MALRD1: variants seen among roughly 807,000 people sequenced by gnomAD.
The protein encoded by MALRD1 is MAM and LDL receptor class A domain containing 1.
A neutral mutation model predicts 242.1 loss-of-function variants in MALRD1; 247 were observed. The observed-to-expected ratio is 1.02, with a 90% confidence interval of 0.92 to 1.13. The LOEUF (loss-of-function observed/expected upper bound fraction) is 1.13, where lower values mean the gene tolerates loss of function less well. MALRD1 is among the 50% of genes most tolerant of loss of function. The pLI is 0.00. For synonymous variants in MALRD1, 995 were observed against 866.6 expected (o/e 1.15, Z -2.60); for missense variants, 2,989 against 2,533.1 (o/e 1.18, Z -3.86).
At chr10:19,224,583 G>A (rs374452545) in intron 18 of MALRD1, among the ~76,000 whole-genome samples, 3 of 152,126 alleles carry the variant, frequency 2.0e-5, no homozygotes, top group South Asian at 2.1e-4. Context: ...GAGCCACCAC[G>A]CCCAGCCTAT....
chr10:19,103,313 A>G (rs1308825498), intron 4 of MALRD1, among the ~76,000 whole-genome samples: 2 of 152,062 alleles, frequency 1.3e-5, no homozygotes, highest in African/African-American at 2.4e-5. Context: ...TGTAATCCCA[A>G]CACTTTGGGA....
chr10:19,100,241 C>T lies in MALRD1; in HGVS notation c.598-3738C>T, dbSNP rs1357011450. ...CACATTGGTAAATTTCCCTCCACTTCGAGAAATATTTATTTCCCTAAGAAA... is the reference window on the plus strand; with the variant it reads ...CACATTGGTAAATTTCCCTCCACTTTGAGAAATATTTATTTCCCTAAGAAA... On this transcript the variant is annotated intron_variant, in intron 4 of 39. Transcript: ENST00000454679. 3.9e-5 allele frequency among the ~76,000 whole-genome samples: 6 copies of T among 152,040 alleles called. No homozygotes were observed. In the East Asian group the frequency reaches 9.6e-4, roughly 24 times the overall value.
chr10:19,598,307 G>A (rs1838200326), intron 34 of MALRD1: 1 of 152,084 alleles, frequency 6.6e-6, no homozygotes, highest in African/African-American at 2.4e-5. Flanking sequence ...TTTTGAACAT[G>A]TAGTAGGGCA....
At chr10:19,315,667 CTA>C (rs1564555364) in intron 21 of MALRD1, among the ~76,000 whole-genome samples, 2 of 119,470 alleles carry the variant, frequency 1.7e-5, no homozygotes, top group Non-Finnish European at 3.2e-5. Flanking sequence ...ATTTATATGA[CTA>C]TAGTTATATA....
chr10:19,102,131 A>G (rs1472439765), intron 4 of MALRD1, among the ~76,000 whole-genome samples: 1 of 145,942 alleles, frequency 6.9e-6, no homozygotes, highest in Non-Finnish European at 1.5e-5. Context: ...ATTATATAAT[A>G]TATATTATAT....
intron 38 of MALRD1, among the ~76,000 whole-genome samples, chr10:19,716,614 CAGA>C (rs1179370191): frequency 6.6e-6 from 1 of 152,172 alleles, no homozygotes; most frequent in African/African-American, 2.4e-5. Context: ...TGGAAAAATA[CAGA>C]AGGTGTATTT....
chr10:19,181,848 A>G (rs1237583019), intron 14 of MALRD1, among the ~76,000 whole-genome samples: 1 of 152,186 alleles, frequency 6.6e-6, no homozygotes, highest in Non-Finnish European at 1.5e-5. Flanking sequence ...TTTAATATAC[A>G]TAATAAAATT....
intron 6 of MALRD1, 36 bp from the exon 7 acceptor site, chr10:19,124,488 A>G: frequency 8.1e-7 from 1 of 1,233,454 alleles, no homozygotes; most frequent in Non-Finnish European, 1.0e-6. Context: ...ACTCTAGCAG[A>G]CTAATAGTCC....
In MALRD1 at chr10:19,209,459, G is replaced by A. The variant is rs1479641962; in HGVS notation, c.2770G>A (p.Asp924Asn). ...ATCTTCAGAGCCACAGGCTTTTCAAGACAGTGCTGCCTTACTCAGCCCAAT... is the reference window on the plus strand; with the variant it reads ...ATCTTCAGAGCCACAGGCTTTTCAAAACAGTGCTGCCTTACTCAGCCCAAT... ...IESSEPQAFQDSAALLSPILN... is the reference protein window; with the variant it reads ...IESSEPQAFQNSAALLSPILN... Residue 924 changes from aspartate (D) to asparagine (N), a missense_variant, in exon 18 of 40, where the codon GAC (aspartate) becomes AAC (asparagine). Transcript: ENST00000454679. The A allele has an allele frequency of 4.5e-6, 7 of 1,550,790 alleles. No individual in the cohort carries two copies. The African/African-American group carries it at 9.6e-5, about 21-fold the overall frequency.
chr10:19,405,307 G>A (rs1589030465), intron 28 of MALRD1, among the ~76,000 whole-genome samples: 2 of 152,114 alleles, frequency 1.3e-5, no homozygotes, highest in African/African-American at 4.8e-5. Context: ...CTCCCTCTTT[G>A]AAGTCCCACC....
chr10:19,094,312 C>T (rs1431562230), intron 4 of MALRD1, among the ~76,000 whole-genome samples: 9 of 102,378 alleles, frequency 8.8e-5, no homozygotes, highest in Admixed American at 3.0e-4. Context: ...TTTTTTAAGC[C>T]GATCTGAAAA....
chr10:19,517,438 C>A (rs1432844171), intron 31 of MALRD1, among the ~76,000 whole-genome samples: 1 of 152,154 alleles, frequency 6.6e-6, no homozygotes, highest in East Asian at 1.9e-4. Flanking sequence ...ACAAGGAGGA[C>A]CTGTTAGTCC....
chr10:19,308,509 G>A (rs1265892771), intron 21 of MALRD1, among the ~76,000 whole-genome samples: 1 of 151,430 alleles, frequency 6.6e-6, no homozygotes, highest in South Asian at 2.1e-4. Flanking sequence ...TGGCCTAGGG[G>A]GAGTCTTAAG....
intron 31 of MALRD1, among the ~76,000 whole-genome samples, chr10:19,530,465 A>AACATATAATATATAAT (rs1375421718): frequency 2.2e-5 from 2 of 89,512 alleles, no homozygotes; most frequent in Admixed American, 2.9e-4. Context: ...ATATAATAAT[A>AACATATAATATATAAT]AATAATTATA....
intron 33 of MALRD1, among the ~76,000 whole-genome samples, chr10:19,582,729 C>A (rs1837193341): frequency 1.3e-5 from 1 of 79,430 alleles, no homozygotes; most frequent in African/African-American, 4.9e-5. Context: ...TCCATATGAA[C>A]TTTAAAGTAG....
At chr10:19,069,839 T>A (rs970443428) in intron 2 of MALRD1, among the ~76,000 whole-genome samples, 4 of 152,110 alleles carry the variant, frequency 2.6e-5, no homozygotes, top group Non-Finnish European at 5.9e-5. Flanking sequence ...ACGAACATTT[T>A]AAATTTTATC....
intron 19 of MALRD1, among the ~76,000 whole-genome samples, chr10:19,279,377 A>C (rs1468543819): frequency 6.6e-6 from 1 of 152,172 alleles, no homozygotes; most frequent in Admixed American, 6.5e-5. Flanking sequence ...GTCCATGTTC[A>C]ATTTAGTTCA....
At chr10:19,107,394 A>G (rs1047001911) in intron 5 of MALRD1, among the ~76,000 whole-genome samples, 3 of 151,768 alleles carry the variant, frequency 2.0e-5, no homozygotes, top group African/African-American at 7.2e-5. Flanking sequence ...ATCATTATCC[A>G]TTTTTTCAGT....
intron 21 of MALRD1, among the ~76,000 whole-genome samples, chr10:19,299,876 A>G (rs1236874415): frequency 1.3e-5 from 2 of 151,876 alleles, no homozygotes; most frequent in Admixed American, 1.3e-4. Flanking sequence ...AGGGCAATCA[A>G]TCAAGAGAAA....
Sources: gnomAD v4.1 joint callset for allele counts (sites outside exome capture counted in the v4.1 genomes callset) on GRCh38, gnomAD v4.1.1 for gene constraint, MANE v1.5 for transcripts, NCBI Gene and HGNC (gene_info 2026-07-23, HGNC 2026-07-21) for gene names.